The following SMARCC1 variants were observed in gnomAD, a reference collection of about 807,000 sequenced individuals.
SMARCC1 encodes the protein SWI/SNF complex subunit SMARCC1.
SMARCC1 carries 43 observed loss-of-function variants against 147.4 expected under a neutral mutation model. The ratio of observed to expected loss-of-function variants is 0.29; its 90% CI spans 0.23 to 0.38. SMARCC1 has a LOEUF of 0.38. Ranked by LOEUF, SMARCC1 falls within the 10% of genes least tolerant of loss-of-function variation. The pLI, the probability that SMARCC1 is intolerant of heterozygous loss-of-function variation, is 1.00. For missense variants in SMARCC1, 1,119 were observed against 1,381.1 expected (o/e 0.81, Z 3.01); for synonymous variants, 495 against 484.4 (o/e 1.02, Z -0.29).
chr3:47,693,434 TA>T, intron 11 of SMARCC1, 134 bp from the exon 12 acceptor site: 1 of 609,366 alleles, frequency 1.6e-6, no homozygotes, highest in Non-Finnish European at 2.9e-6. Flanking sequence ...CACTTTCAGG[TA>T]AAAATCATAA....
rs569626629 is a variant in SMARCC1, at chr3:47,731,106, A to C, written c.577-2012T>G. ...CTGACAGCATTTTACACACAGCAGA[A>C]TTTCTTTCAAAACCCTGCTGCTTGC... On this transcript the variant is annotated intron_variant, in intron 5 of 27. Transcript: ENST00000254480. Among the ~76,000 whole-genome samples the C allele has an allele frequency of 3.3e-5, 5 of 152,292 alleles. No homozygotes were observed. The South Asian group carries it at 1.0e-3, about 32-fold the overall frequency.
chr3:47,657,095 GCAA>G (rs1367101756), intron 21 of SMARCC1, among the ~76,000 whole-genome samples: 3 of 152,226 alleles, frequency 2.0e-5, no homozygotes, highest in African/African-American at 4.8e-5. Flanking sequence ...AAACATATAA[GCAA>G]CAACAGAGTC....
At chr3:47,594,024 G>T (rs1366153100) in intron 26 of SMARCC1, among the ~76,000 whole-genome samples, 2 of 152,102 alleles carry the variant, frequency 1.3e-5, no homozygotes, top group African/African-American at 4.8e-5. Flanking sequence ...AATTAGCTGG[G>T]CTTAGTGGCA....
chr3:47,670,954 G>A (rs1329227324), intron 18 of SMARCC1, among the ~76,000 whole-genome samples: 1 of 151,886 alleles, frequency 6.6e-6, no homozygotes, highest in Non-Finnish European at 1.5e-5. Context: ...GGAGGGCAAG[G>A]TGGGTGGATC....
chr3:47,778,563 C>T (rs2035005658), intron 1 of SMARCC1, among the ~76,000 whole-genome samples: 1 of 152,132 alleles, frequency 6.6e-6, no homozygotes, highest in African/African-American at 2.4e-5. Flanking sequence ...AATGAACCTC[C>T]CACCTGGAAT....
chr3:47,675,681 C>T, intron 17 of SMARCC1, 93 bp from the exon 18 acceptor site: 1 of 660,926 alleles, frequency 1.5e-6, no homozygotes, highest in Non-Finnish European at 2.7e-6. Flanking sequence ...GGCGCCGTGG[C>T]TCACACCTAT....
chr3:47,781,493 T>A, intron 1 of SMARCC1, 110 bp downstream of exon 1: 3 of 708,068 alleles, frequency 4.2e-6, no homozygotes, highest in Non-Finnish European at 6.0e-6. Flanking sequence ...CTGCCTTTGT[T>A]GTCCCTCGTG....
intron 4 of SMARCC1, 50 bp downstream of exon 4, chr3:47,737,979 G>A (rs1289848203): frequency 7.2e-7 from 1 of 1,395,380 alleles, no homozygotes; most frequent in South Asian, 1.3e-5. Context: ...TCTTAAAACT[G>A]AAAATATATT....
intron 5 of SMARCC1, among the ~76,000 whole-genome samples, chr3:47,731,257 C>CATCTG (rs2034370707): frequency 6.6e-6 from 1 of 152,176 alleles, no homozygotes; most frequent in Admixed American, 6.5e-5. Context: ...ACAACTCTTC[C>CATCTG]ATCTGTTCAA....
chr3:47,592,883 G>T (rs1252781490), intron 26 of SMARCC1, among the ~76,000 whole-genome samples: 3 of 144,516 alleles, frequency 2.1e-5, no homozygotes, highest in Non-Finnish European at 3.0e-5. Context: ...GCAGTAACAC[G>T]ATTTCAGCTC....
At position 47,585,568 on chromosome 3, in the gene SMARCC1, T is replaced by C. The variant is rs2032058890; in HGVS notation, c.*2641A>G. ...TCTGCCCTCAAGGCCTGCCTCCAACTTGGGACTGTCTAAACTGCATCCTGA... is the reference window on the plus strand; with the variant it reads ...TCTGCCCTCAAGGCCTGCCTCCAACCTGGGACTGTCTAAACTGCATCCTGA... On this transcript the variant is annotated 3_prime_UTR_variant, in exon 28 of 28. Coordinates refer to ENST00000254480, the MANE Select transcript of SMARCC1 (RefSeq NM_003074.4). 1 of 152,246 alleles carries C rather than the reference T, an allele frequency of 6.6e-6. No homozygotes were observed. 9.4% of individuals were successfully genotyped at this position (152,246 alleles called of 1,614,324 possible). A position where few individuals can be genotyped will look rare whatever the true frequency, so the allele number is the denominator to read the frequency against.
chr3:47,776,142 C>A (rs548294788), intron 1 of SMARCC1, among the ~76,000 whole-genome samples: 2 of 151,294 alleles, frequency 1.3e-5, no homozygotes, highest in Non-Finnish European at 2.9e-5. Context: ...AGCGAGACTC[C>A]GTCTCAAACG....
At chr3:47,681,145 G>C (rs1176992616) in intron 14 of SMARCC1, among the ~76,000 whole-genome samples, 1 of 152,030 alleles carries the variant, frequency 6.6e-6, no homozygotes, top group Non-Finnish European at 1.5e-5. Flanking sequence ...AGAATTCTTT[G>C]AAAAATGGTG....
At chr3:47,750,164 G>A (rs949684962) in intron 2 of SMARCC1, among the ~76,000 whole-genome samples, 6 of 151,892 alleles carry the variant, frequency 4.0e-5, no homozygotes, top group African/African-American at 9.7e-5. Flanking sequence ...GGCTGGGCGC[G>A]GTGGCTCACG....
chr3:47,698,472 C>T (rs1224823346), intron 11 of SMARCC1, among the ~76,000 whole-genome samples: 1 of 151,788 alleles, frequency 6.6e-6, no homozygotes, highest in East Asian at 1.9e-4. Context: ...AATAGAAAAT[C>T]CTAAGAAATC....
At chr3:47,753,712 CAAAAAAAA>C (rs71070226) in intron 2 of SMARCC1, among the ~76,000 whole-genome samples, 2 of 69,608 alleles carry the variant, frequency 2.9e-5, no homozygotes, top group Non-Finnish European at 5.1e-5. Flanking sequence ...AACTCCATCT[CAAAAAAAA>C]AAAAAAAAAA....
intron 22 of SMARCC1, 115 bp from the exon 23 acceptor site, chr3:47,636,251 T>G: frequency 1.6e-6 from 1 of 627,936 alleles, no homozygotes; most frequent in Non-Finnish European, 2.8e-6. Context: ...AGAAATAGAC[T>G]AGATTCAAAA....
Position 47,714,398 on chromosome 3 carries a change from T to C in SMARCC1, c.792+17A>G, listed in dbSNP as rs542569395. On this transcript the variant is annotated intron_variant, in intron 8 of 27. Transcript: ENST00000254480. ...TTAAAAAGATTATTGTAAGATTTTTTTTGTTAAATCATTTACCTTCCATGG... is the reference window on the plus strand; with the variant it reads ...TTAAAAAGATTATTGTAAGATTTTTCTTGTTAAATCATTTACCTTCCATGG... The C allele has an allele frequency of 4.1e-6, 6 of 1,477,228 alleles. 1 individual carries two copies. The Admixed American group carries it at 5.5e-5, about 13-fold the overall frequency. The allele number at this position is 1,477,228 out of a possible 1,614,324, so 91.5% of individuals were successfully genotyped here.
Position 47,675,513 on chromosome 3 carries a change from G to C in SMARCC1, c.1801C>G (p.Leu601Val), listed in dbSNP as rs771918475. ...TTCTTGGAGTAAATGTCAGTACGGA[G>C]ACCAAAGTTCTGCAAATCAACTGGT... is the stretch of plus-strand genomic sequence containing the variant. ...EKPVDLQNFGLRTDIYSKKTL... is the reference protein window; with the variant it reads ...EKPVDLQNFGVRTDIYSKKTL... Residue 601 changes from leucine to valine, a missense_variant, in exon 18 of 28, where the codon CTC becomes GTC. Around this residue, in one of 6 missense-constraint regions of SMARCC1, gnomAD observed 178 missense variants for 264.6 expected, o/e 0.67. Transcript: ENST00000254480. The C allele has an allele frequency of 4.3e-6, 7 of 1,611,646 alleles. No individual in the cohort carries two copies. The highest frequency in any genetic ancestry group is 5.1e-6 in the Non-Finnish European group (6 of 1,177,908).
Sources: allele counts gnomAD v4.1 joint callset (sites outside exome capture counted in the v4.1 genomes callset), GRCh38; gene constraint gnomAD v4.1.1; regional missense constraint gnomAD v4.1.1; transcripts MANE v1.5; gene names NCBI Gene and HGNC (gene_info 2026-07-23, HGNC 2026-07-21).